Variants in PAH observed in about 807,000 individuals in gnomAD.
The protein encoded by PAH is phenylalanine-4-hydroxylase.
Under a neutral mutation model 62.0 loss-of-function variants are expected in PAH, and 64 were observed. The ratio of observed to expected loss-of-function variants is 1.03; its 90% confidence interval spans 0.84 to 1.27. The LOEUF is 1.27. PAH is among the 50% of genes most tolerant of loss of function. The pLI, the probability that PAH is intolerant of heterozygous loss-of-function variation, is 0.00. For synonymous variants in PAH, 195 were observed against 196.2 expected (o/e 0.99, Z 0.05); for missense variants, 579 against 542.8 (o/e 1.07, Z -0.66).
rs1161687763 is a variant in PAH at position 102,868,134 on chromosome 12, A to G, written c.442-1471T>C. Among the ~76,000 whole-genome samples, 28 of 3,136 alleles carry G rather than the reference A, an allele frequency of 8.9e-3. 2 individuals are homozygous for G. The highest frequency in any genetic ancestry group is 0.013 in the Non-Finnish European group (26 of 1,964). The allele number at this position is 3,136 out of a possible 152,430, so 2.1% of individuals were successfully genotyped here. ...TATATATACATATATGTGTATATAT[A>G]TATATATATATATATATATACACAT... On this transcript the variant is annotated intron_variant, in intron 4 of 12. Coordinates refer to ENST00000553106, the MANE Select transcript of PAH (RefSeq NM_000277.3).
chr12:102,876,423 G>A (rs1241872665), intron 4 of PAH, among the ~76,000 whole-genome samples: 3 of 152,124 alleles, frequency 2.0e-5, no homozygotes, highest in Non-Finnish European at 4.4e-5. Flanking sequence ...CAGGCTCCTC[G>A]GGCCTCACTA....
At chr12:102,944,216 T>G (rs912362535) in intron 1 of PAH, among the ~76,000 whole-genome samples, 1 of 152,226 alleles carries the variant, frequency 6.6e-6, no homozygotes, top group Non-Finnish European at 1.5e-5. Flanking sequence ...TGACCTTTTT[T>G]GATTATTAAA....
intron 8 of PAH, among the ~76,000 whole-genome samples, chr12:102,850,479 C>T (rs916225171): frequency 6.6e-6 from 1 of 152,200 alleles, no homozygotes; most frequent in Admixed American, 6.5e-5. Context: ...TAAATTCACA[C>T]ACAATCCCAT....
chr12:102,867,202 T>A (rs1468250346), intron 4 of PAH, among the ~76,000 whole-genome samples: 1 of 152,224 alleles, frequency 6.6e-6, no homozygotes. Context: ...ATGAGTATGA[T>A]TATCCTGTTC....
intron 2 of PAH, among the ~76,000 whole-genome samples, chr12:102,907,589 CT>C (rs1037521216): frequency 2.0e-5 from 3 of 151,822 alleles, no homozygotes; most frequent in Admixed American, 2.0e-4. Flanking sequence ...AACGTAGCAT[CT>C]TTTTCCTTCT....
At chr12:102,951,240 C>T (rs1034734067), upstream of PAH, among the ~76,000 whole-genome samples, 3 of 152,198 alleles carry the variant, frequency 2.0e-5, no homozygotes, top group African/African-American at 7.2e-5. Context: ...TTTCGGGAAC[C>T]TGCAGAGCTG....
Position 102,894,715 on chromosome 12 carries a change from A to G in PAH, c.352+20T>C. On this transcript the variant is annotated intron_variant, in intron 3 of 12. Coordinates refer to ENST00000553106, the MANE Select transcript of PAH (RefSeq NM_000277.3). Reference sequence around the variant, plus strand: ...GACAGTGTGGAGTTACTTATGTTGCAAAATTCCTCTAATTCTTACCTGTGT... The same window carrying G: ...GACAGTGTGGAGTTACTTATGTTGCGAAATTCCTCTAATTCTTACCTGTGT... 1 of 1,608,550 alleles carries G rather than the reference A, an allele frequency of 6.2e-7. No individual in the cohort carries two copies. Among genetic ancestry groups the G allele is most frequent in the Non-Finnish European group, 8.5e-7 (1 of 1,174,930 alleles).
chr12:102,897,195 T>C (rs1229337787), intron 2 of PAH, among the ~76,000 whole-genome samples: 1 of 152,098 alleles, frequency 6.6e-6, no homozygotes, highest in African/African-American at 2.4e-5. Flanking sequence ...TCTTCTATCT[T>C]CCCACTAGAG....
At chr12:102,875,804 C>G (rs754984258) in intron 4 of PAH, among the ~76,000 whole-genome samples, 2 of 152,096 alleles carry the variant, frequency 1.3e-5, no homozygotes, top group Non-Finnish European at 2.9e-5. Context: ...TGGAAGTTCA[C>G]GTGAAAATAC....
chr12:102,917,003 G>T (rs552616901), intron 1 of PAH, 68 bp downstream of exon 1: 3 of 1,385,976 alleles, frequency 2.2e-6, no homozygotes, highest in South Asian at 1.2e-5. Flanking sequence ...AGCACCAGCA[G>T]TCTTCGGATC....
At chr12:102,937,969 A>G (rs905800073) in intron 1 of PAH, among the ~76,000 whole-genome samples, 1 of 152,124 alleles carries the variant, frequency 6.6e-6, no homozygotes, top group Non-Finnish European at 1.5e-5. Flanking sequence ...ATTTTTTTCC[A>G]GAGGGTAGGT....
At chr12:102,945,841 T>C in intron 1 of PAH, 1 of 151,922 alleles carries the variant, frequency 6.6e-6, no homozygotes, top group Non-Finnish European at 1.5e-5. Flanking sequence ...CCTTTATTCT[T>C]CCCCCTCTGT....
chr12:102,949,178 T>A (rs1879633842), intron 1 of PAH, among the ~76,000 whole-genome samples: 1 of 152,168 alleles, frequency 6.6e-6, no homozygotes, highest in Non-Finnish European at 1.5e-5. Context: ...CGTTTGCATG[T>A]GCATCCTGAG....
At chr12:102,902,708 G>C (rs1877811037) in intron 2 of PAH, among the ~76,000 whole-genome samples, 1 of 152,202 alleles carries the variant, frequency 6.6e-6, no homozygotes, top group South Asian at 2.1e-4. Flanking sequence ...GGGAGCTCAA[G>C]ATTATCCCCC....
intron 4 of PAH, among the ~76,000 whole-genome samples, chr12:102,867,682 A>G (rs1166536870): frequency 6.6e-6 from 1 of 152,012 alleles, no homozygotes; most frequent in Non-Finnish European, 1.5e-5. Flanking sequence ...TCAAAACAAA[A>G]GCTTATGTCA....
chr12:102,853,029 G>A (rs1875253581), intron 6 of PAH, 79 bp from the exon 7 acceptor site: 5 of 1,495,602 alleles, frequency 3.3e-6, no homozygotes, highest in South Asian at 2.3e-5. Context: ...AGGTAGTGGA[G>A]TAGTACACAT....
At chr12:102,871,229 A>C (rs1408447709) in intron 4 of PAH, among the ~76,000 whole-genome samples, 1 of 152,246 alleles carries the variant, frequency 6.6e-6, no homozygotes, top group Non-Finnish European at 1.5e-5. Flanking sequence ...CAAAATATTT[A>C]GCACAGTCCA....
At chr12:102,860,317 G>A (rs1355545645) in intron 5 of PAH, among the ~76,000 whole-genome samples, 6 of 152,208 alleles carry the variant, frequency 3.9e-5, no homozygotes, top group Non-Finnish European at 7.3e-5. Context: ...TTGAACCACT[G>A]TTCAAAGAAA....
rs989443577 is a variant in PAH at position 102,915,091 on chromosome 12, A to G, written c.60+1980T>C. The G allele has an allele frequency of 3.3e-5, 5 of 152,362 alleles. No individual in the cohort carries two copies. In the East Asian group the frequency reaches 9.6e-4, roughly 29 times the overall value. 9.4% of individuals were successfully genotyped at this position (152,362 alleles called of 1,614,324 possible). On this transcript the variant is annotated intron_variant, in intron 1 of 12. Coordinates refer to ENST00000553106, the MANE Select transcript of PAH (RefSeq NM_000277.3). ...ACCTACAGGAACCTCCTTTCCAGCCAAGCTGCTTTCTTTCTTGCCTTTTTA... is the reference window on the plus strand; with the variant it reads ...ACCTACAGGAACCTCCTTTCCAGCCGAGCTGCTTTCTTTCTTGCCTTTTTA...
Sources: gnomAD v4.1 joint callset for allele counts (sites outside exome capture counted in the v4.1 genomes callset) on GRCh38, gnomAD v4.1.1 for gene constraint, MANE v1.5 for transcripts, NCBI Gene and HGNC (gene_info 2026-07-23, HGNC 2026-07-21) for gene names.